The following POLA1 variants were observed in gnomAD, a reference collection of about 807,000 sequenced individuals.
POLA1 encodes the protein DNA polymerase alpha 1, catalytic subunit.
A neutral mutation model predicts 124.0 loss-of-function variants in POLA1; 15 were observed. The ratio of observed to expected loss-of-function variants is 0.12; its 90% confidence interval spans 0.08 to 0.19. The LOEUF is 0.19. Ranked by LOEUF, POLA1 falls within the 10% of genes least tolerant of loss-of-function variation. The probability of loss-of-function intolerance (pLI) is 1.00; values close to 1 mark genes in which losing one functional copy is unlikely to be tolerated. For synonymous variants in POLA1, 408 were observed against 389.4 expected, an observed-to-expected ratio of 1.05 and a Z score of -0.56; for missense variants, 886 against 1,103.4, an observed-to-expected ratio of 0.80 and a Z score of 2.79.
intron 34 of POLA1, among the ~76,000 whole-genome samples, chrX:24,863,518 ACT>A (rs779949007): frequency 1.5e-4 from 17 of 111,563 alleles, no homozygotes; most frequent in Non-Finnish European, 2.8e-4. Flanking sequence ...TAGTTCAGTA[ACT>A]CTTGATCACT....
Position 24,751,285 on chromosome X carries a change from C to G in POLA1, c.2964+2293C>G, listed in dbSNP as rs766955064. Among the ~76,000 whole-genome samples the G allele has an allele frequency of 1.9e-4, 21 of 111,967 alleles. No homozygotes were observed. The South Asian group carries it at 6.8e-3, about 36-fold the overall frequency. On this transcript the variant is annotated intron_variant, in intron 26 of 36. Coordinates refer to ENST00000379068, the MANE Select transcript of POLA1 (RefSeq NM_001330360.2). Reference sequence around the variant, plus strand: ...CCCAAATTTGTCCAATGATCTCCCCCACTCTCCTAATCCATTGGATTTTAA... The same window carrying G: ...CCCAAATTTGTCCAATGATCTCCCCGACTCTCCTAATCCATTGGATTTTAA...
rs145538495 is a variant in POLA1, at chrX:24,737,812, T to C, written c.2040+71T>C. The stretch of plus-strand genomic sequence containing the variant: ...GGGATAGCTACCAAGGAACACACTA[T>C]ACTTTTTAAAACAGGAATTGGTTAT... On this transcript the variant is annotated intron_variant, in intron 19 of 36. Transcript: ENST00000379068. The C allele has an allele frequency of 5.8e-3, 2,800 of 482,965 alleles. 13 individuals carry two copies. Among genetic ancestry groups the C allele is most frequent in the Middle Eastern group, 7.4e-3 (20 of 2,693 alleles). 39.8% of individuals were successfully genotyped at this position (482,965 alleles called of 1,213,427 possible).
intron 35 of POLA1, among the ~76,000 whole-genome samples, chrX:24,888,355 T>C (rs1452713677): frequency 9.0e-6 from 1 of 111,310 alleles, no homozygotes; most frequent in African/African-American, 3.3e-5. Flanking sequence ...CTCATATGAG[T>C]TATAGATTTC....
At chrX:24,781,480 C>T (rs1321125165) in intron 26 of POLA1, among the ~76,000 whole-genome samples, 2 of 111,842 alleles carry the variant, frequency 1.8e-5, no homozygotes, top group Non-Finnish European at 3.8e-5. Flanking sequence ...TTGAGCAGCA[C>T]TGTTTATTCA....
chrX:24,908,459 A>T (rs978806280), intron 35 of POLA1, among the ~76,000 whole-genome samples: 1 of 94,830 alleles, frequency 1.1e-5, no homozygotes, highest in African/African-American at 4.0e-5. Flanking sequence ...TCATTGGTCA[A>T]TTCCCACCTA....
chrX:24,732,988 T>A (rs1372245598), intron 16 of POLA1, among the ~76,000 whole-genome samples: 2 of 112,256 alleles, frequency 1.8e-5, no homozygotes, highest in Admixed American at 1.9e-4. Flanking sequence ...CAAGGAGGAT[T>A]CTGATATATT....
intron 36 of POLA1, among the ~76,000 whole-genome samples, chrX:24,958,048 C>CT (rs1310735728): frequency 9.1e-6 from 1 of 110,310 alleles, no homozygotes; most frequent in Non-Finnish European, 1.9e-5. Context: ...CTAGCCTCAG[C>CT]TGTATATTGG....
At chrX:24,706,055 C>T (rs1190408843) in intron 4 of POLA1, among the ~76,000 whole-genome samples, 1 of 111,630 alleles carries the variant, frequency 9.0e-6, no homozygotes, top group East Asian at 2.8e-4. Flanking sequence ...TAATTTGAGA[C>T]CATGTGTATA....
At chrX:24,930,588 G>A in intron 36 of POLA1, 39 bp downstream of exon 36, 1 of 885,647 alleles carries the variant, frequency 1.1e-6, no homozygotes. Context: ...AGTTTAAAGT[G>A]GAAATTTGCA....
chrX:24,864,751 C>T (rs1452936073), intron 34 of POLA1, among the ~76,000 whole-genome samples: 59 of 110,594 alleles, frequency 5.3e-4, no homozygotes, highest in African/African-American at 1.9e-3. Context: ...CTCTGAATCC[C>T]TAAAGAACTT....
intron 23 of POLA1, 50 bp from the exon 24 acceptor site, chrX:24,745,368 A>G (rs1931945407): frequency 2.1e-6 from 2 of 973,058 alleles, no homozygotes; most frequent in African/African-American, 2.0e-5. Flanking sequence ...TGATGTTTTG[A>G]CAATTCTGCT....
chrX:24,954,026 A>T (rs1390420843), intron 36 of POLA1, among the ~76,000 whole-genome samples: 2 of 111,856 alleles, frequency 1.8e-5, no homozygotes, highest in Non-Finnish European at 3.8e-5. Flanking sequence ...AGGGATGGGG[A>T]TAAAGAAATA....
intron 36 of POLA1, among the ~76,000 whole-genome samples, chrX:24,931,751 C>T (rs1011789985): frequency 2.7e-5 from 3 of 112,266 alleles, no homozygotes; most frequent in African/African-American, 9.7e-5. Flanking sequence ...ATATCATTTA[C>T]AGCTGTTTTT....
chrX:24,748,394 A>G lies in POLA1; in HGVS notation c.2775A>G (p.Val925=), dbSNP rs775315295. 1.2e-5 allele frequency: 14 copies of G among 1,200,963 alleles called. No homozygotes were observed. In the South Asian group the frequency reaches 2.5e-4, roughly 21 times the overall value. ...TGCCCAGAGAGATCCGGAAACTGGTAGAACGGAGAAAACAAGTCAAACAGC... is the reference window on the plus strand; with the variant it reads ...TGCCCAGAGAGATCCGGAAACTGGTGGAACGGAGAAAACAAGTCAAACAGC... ...GILPREIRKL[V]ERRKQVKQLM... is the part of the protein sequence containing the mutation. The change falls in exon 25 of 37, where the codon GTA becomes GTG. Residue 925 remains valine, a synonymous_variant. Coordinates refer to ENST00000379068, the MANE Select transcript of POLA1 (RefSeq NM_001330360.2).
Position 24,727,820 on chromosome X carries a change from G to T in POLA1, c.1570G>T (p.Ala524Ser). The T allele has an allele frequency of 8.3e-7, 1 of 1,207,398 alleles. No individual in the cohort carries two copies. Among genetic ancestry groups the T allele is most frequent in the Non-Finnish European group, 1.1e-6 (1 of 891,519 alleles). Reference protein sequence around the residue: ...NQPVSWCKVEAMALKPDLVNV... With the variant: ...NQPVSWCKVESMALKPDLVNV... ...GCCAGTCAGTTGGTGTAAAGTTGAGGCAATGGCTTTGAAACCAGACCTGGT... is the reference window on the plus strand; with the variant it reads ...GCCAGTCAGTTGGTGTAAAGTTGAGTCAATGGCTTTGAAACCAGACCTGGT... Residue 524 changes from alanine (A) to serine (S), a missense_variant, in exon 15 of 37, where the codon GCA becomes TCA. By Grantham distance (99) the Ala-to-Ser change is moderately conservative (BLOSUM62 1). Transcript: ENST00000379068.
Position 24,749,005 on chromosome X carries a change from A to G in POLA1, c.2964+13A>G. ...CAAAGGAAGGGAGGTAAATGGCGTA[A>G]TAACATTCACATCTCTAGATATGAG... is the stretch of plus-strand genomic sequence containing the variant. On this transcript the variant is annotated intron_variant, in intron 26 of 36. Coordinates refer to ENST00000379068, the MANE Select transcript of POLA1 (RefSeq NM_001330360.2). The G allele has an allele frequency of 5.9e-6, 7 of 1,178,529 alleles. No individual in the cohort carries two copies. In the South Asian group the frequency reaches 8.9e-5, roughly 15 times the overall value.
chrX:24,802,625 TG>T (rs1198866364), intron 26 of POLA1, among the ~76,000 whole-genome samples: 1 of 111,591 alleles, frequency 9.0e-6, no homozygotes, highest in Admixed American at 9.5e-5. Flanking sequence ...AGGAAGGACA[TG>T]GGAATGCAGA....
intron 26 of POLA1, among the ~76,000 whole-genome samples, chrX:24,791,338 A>G (rs1349964787): frequency 8.9e-6 from 1 of 111,997 alleles, no homozygotes; most frequent in South Asian, 3.7e-4. Context: ...AACAGGTTGG[A>G]ACTTTTGTTC....
At chrX:24,728,078 A>G (rs1046733204) in intron 15 of POLA1, 142 bp downstream of exon 15, 9 of 420,834 alleles carry the variant, frequency 2.1e-5, no homozygotes, top group Non-Finnish European at 3.9e-6. Context: ...TAGAGAATGA[A>G]TTGAATTTGT....
Sources: gnomAD v4.1 joint callset for allele counts (sites outside exome capture counted in the v4.1 genomes callset) on GRCh38, gnomAD v4.1.1 for gene constraint, MANE v1.5 for transcripts, NCBI Gene and HGNC (gene_info 2026-07-23, HGNC 2026-07-21) for gene names.